Variants in FGF13 observed in about 807,000 individuals in gnomAD.
FGF13 encodes the protein fibroblast growth factor homologous factor 2.
In FGF13, 2 loss-of-function variants were observed where a neutral mutation model predicts 19.5. The observed-to-expected ratio is 0.10, with a 90% CI of 0.04 to 0.32. The LOEUF is 0.32. Ranked by LOEUF, FGF13 falls within the 10% of genes least tolerant of loss-of-function variation. The probability of loss-of-function intolerance (pLI) is 1.00; values close to 1 mark genes in which losing one functional copy is unlikely to be tolerated. For synonymous variants in FGF13, 72 were observed against 76.9 expected (o/e 0.94, Z 0.33); for missense variants, 113 against 192.7 (o/e 0.59, Z 2.45).
intron 1 of FGF13, among the ~76,000 whole-genome samples, chrX:139,084,965 C>T (rs1398783742): frequency 1.8e-5 from 2 of 111,694 alleles, no homozygotes; most frequent in Non-Finnish European, 1.9e-5. Flanking sequence ...AATCACACCT[C>T]GCTGTCTTAG....
intron 1 of FGF13, among the ~76,000 whole-genome samples, chrX:138,930,536 G>T (rs1397890832): frequency 1.8e-5 from 2 of 111,717 alleles, no homozygotes; most frequent in Non-Finnish European, 3.8e-5. Flanking sequence ...AAACCTAGGA[G>T]AACAGATCTG....
At chrX:139,042,749 C>T (rs759889810) in intron 1 of FGF13, among the ~76,000 whole-genome samples, 33 of 111,446 alleles carry the variant, frequency 3.0e-4, no homozygotes, top group African/African-American at 7.5e-4. Context: ...TATGAACTGA[C>T]GTAATGTGAG....
At position 138,619,674 on chromosome X, in the gene FGF13, C is replaced by G. The variant is rs1471304509; in HGVS notation, c.*13176G>C. On this transcript the variant is annotated 3_prime_UTR_variant, in exon 5 of 5. Transcript: ENST00000315930. ...GGGCAAAGGACATGAACAGACACTT[C>G]TCAAAAAAAGACATTCATGAGGCCA... The G allele has an allele frequency of 1.8e-5, 2 of 110,705 alleles. No individual in the cohort carries two copies. Among genetic ancestry groups the G allele is most frequent in the Non-Finnish European group, 3.8e-5 (2 of 52,941 alleles). The allele number at this position is 110,705 out of a possible 1,213,427, so 9.1% of individuals were successfully genotyped here. A position where few individuals can be genotyped will look rare whatever the true frequency, so the allele number is the denominator to read the frequency against.
At chrX:138,952,013 T>G (rs750717118) in intron 1 of FGF13, among the ~76,000 whole-genome samples, 1 of 111,740 alleles carries the variant, frequency 8.9e-6, no homozygotes, top group Non-Finnish European at 1.9e-5. Flanking sequence ...CAAGGTAATT[T>G]ATAGATTCAA....
intron 1 of FGF13, among the ~76,000 whole-genome samples, chrX:138,901,775 TG>T (rs1396675821): frequency 9.0e-6 from 1 of 111,032 alleles, no homozygotes; most frequent in Non-Finnish European, 1.9e-5. Context: ...AAAATAAAAC[TG>T]AGAGAGTTCA....
intron 1 of FGF13, among the ~76,000 whole-genome samples, chrX:138,732,086 C>T (rs1227655054): frequency 9.0e-6 from 1 of 111,055 alleles, no homozygotes; most frequent in African/African-American, 3.3e-5. Flanking sequence ...AATTGACAAC[C>T]CTAAAAGCTG....
At chrX:138,749,704 G>A (rs2090383894) in intron 3 of FGF13, among the ~76,000 whole-genome samples, 1 of 111,836 alleles carries the variant, frequency 8.9e-6, no homozygotes. Flanking sequence ...GCTTGGGACA[G>A]TCTAGCACAG....
rs1468426864 is a variant in FGF13 at position 138,641,916 on chromosome X, G to T, written c.403-6261C>A. ...AGGGCAGCTCCTAACATAAGGGCTG[G>T]CATACAGTAAATTATCAATACATAC... On this transcript the variant is annotated intron_variant, in intron 3 of 4. Transcript: ENST00000315930. Among the ~76,000 whole-genome samples, 3 of 111,575 alleles carry T rather than the reference G, an allele frequency of 2.7e-5. No individual in the cohort carries two copies. In the East Asian group the frequency reaches 8.4e-4, roughly 31 times the overall value.
chrX:139,120,820 C>G (rs1385630449), intron 1 of FGF13, among the ~76,000 whole-genome samples: 1 of 112,932 alleles, frequency 8.9e-6, no homozygotes, highest in Non-Finnish European at 1.9e-5. Flanking sequence ...ACTTAAGTCC[C>G]TGCCTCCTTA....
At chrX:138,892,404 C>T (rs138771526) in intron 1 of FGF13, among the ~76,000 whole-genome samples, 123 of 111,727 alleles carry the variant, frequency 1.1e-3, no homozygotes, top group African/African-American at 3.8e-3. Flanking sequence ...ATATGTATAT[C>T]ACAAGAAGCA....
chrX:138,719,241 C>T (rs2090131041), intron 1 of FGF13, among the ~76,000 whole-genome samples: 2 of 111,572 alleles, frequency 1.8e-5, no homozygotes, highest in African/African-American at 6.5e-5. Context: ...CATGATTTTT[C>T]TAATCAGTTT....
intron 3 of FGF13, among the ~76,000 whole-genome samples, chrX:138,670,748 T>C (rs752726901): frequency 8.9e-6 from 1 of 111,760 alleles, no homozygotes; most frequent in African/African-American, 3.2e-5. Context: ...AAAAAGTGCC[T>C]ACGAACAAAC....
At position 138,649,211 on chromosome X, in the gene FGF13, G is replaced by C. The variant is rs367882783; in HGVS notation, c.403-13556C>G. ...TATTCATGAATCACATCAGCAATTG[G>C]ATTGCTTCTAATTTTTAAACTCTCA... On this transcript the variant is annotated intron_variant, in intron 3 of 4. Coordinates refer to ENST00000315930, the MANE Select transcript of FGF13 (RefSeq NM_004114.5). Among the ~76,000 whole-genome samples, 37 of 111,550 alleles carry C rather than the reference G, an allele frequency of 3.3e-4. 4 individuals carry two copies. The highest frequency in any genetic ancestry group is 2.8e-3 in the Admixed American group (29 of 10,482).
chrX:139,009,489 C>T (rs993588834), intron 1 of FGF13, among the ~76,000 whole-genome samples: 2 of 111,596 alleles, frequency 1.8e-5, no homozygotes, highest in Non-Finnish European at 3.8e-5. Context: ...GGGACTGGGG[C>T]CTTATTTTTA....
intron 1 of FGF13, among the ~76,000 whole-genome samples, chrX:139,053,546 T>TC (rs1187728085): frequency 3.6e-5 from 4 of 111,143 alleles, no homozygotes; most frequent in Admixed American, 9.5e-5. Context: ...CATTTGTATA[T>TC]CTTCTTTTAA....
At chrX:138,826,919 A>G (rs2091038281) in intron 3 of FGF13, among the ~76,000 whole-genome samples, 1 of 112,463 alleles carries the variant, frequency 8.9e-6, no homozygotes, top group African/African-American at 3.2e-5. Context: ...ACACTGGTAC[A>G]CAGGTATATT....
At chrX:139,131,626 A>G (rs1861850559) in intron 1 of FGF13, among the ~76,000 whole-genome samples, 1 of 111,113 alleles carries the variant, frequency 9.0e-6, no homozygotes, top group Admixed American at 9.6e-5. Flanking sequence ...ATTCCCAGCT[A>G]CTCAGGAGGC....
intron 3 of FGF13, among the ~76,000 whole-genome samples, chrX:138,678,445 T>A (rs1338287321): frequency 8.9e-6 from 1 of 111,998 alleles, no homozygotes; most frequent in Non-Finnish European, 1.9e-5. Context: ...AACCGTTAGA[T>A]TCACGCATGC....
intron 1 of FGF13, among the ~76,000 whole-genome samples, chrX:138,915,371 T>C (rs1179763647): frequency 9.0e-6 from 1 of 111,563 alleles, no homozygotes; most frequent in Non-Finnish European, 1.9e-5. Context: ...AAATTGGACA[T>C]ATTCGATTGA....
Sources: allele counts gnomAD v4.1 joint callset (sites outside exome capture counted in the v4.1 genomes callset), GRCh38; gene constraint gnomAD v4.1.1; transcripts MANE v1.5; gene names NCBI Gene and HGNC (gene_info 2026-07-23, HGNC 2026-07-21).